PAMR1: variants seen among roughly 807,000 people sequenced by gnomAD.
PAMR1 encodes inactive serine protease PAMR1.
In PAMR1, 88 loss-of-function variants were observed where a neutral mutation model predicts 81.8. The observed-to-expected ratio is 1.08, with a 90% CI of 0.91 to 1.28. The LOEUF (loss-of-function observed/expected upper bound fraction) is 1.28, where lower values mean the gene tolerates loss of function less well. PAMR1 is among the 50% of genes most tolerant of loss of function. The pLI is 0.00. For synonymous variants in PAMR1, 336 were observed against 345.3 expected (o/e 0.97, Z 0.30); for missense variants, 935 against 919.7 (o/e 1.02, Z -0.21).
At chr11:35,513,045 T>C in intron 1 of PAMR1, among the ~76,000 whole-genome samples, 1 of 152,094 alleles carries the variant, frequency 6.6e-6, no homozygotes. Flanking sequence ...AAGCACTTAG[T>C]GTTATCATGT....
intron 9 of PAMR1, among the ~76,000 whole-genome samples, chr11:35,435,560 A>C (rs1156309244): frequency 1.3e-5 from 2 of 152,154 alleles, no homozygotes; most frequent in Non-Finnish European, 2.9e-5. Flanking sequence ...CTGGGTGATG[A>C]GTGTAAAAAT....
At chr11:35,470,848 C>A (rs781740083) in intron 4 of PAMR1, 30 bp from the exon 5 acceptor site, 26 of 1,523,010 alleles carry the variant, frequency 1.7e-5, no homozygotes, top group Non-Finnish European at 2.3e-5. Context: ...CGGAGGGAAG[C>A]AGATGGGCCC....
At chr11:35,480,856 C>A (rs1190754972) in intron 3 of PAMR1, among the ~76,000 whole-genome samples, 3 of 152,188 alleles carry the variant, frequency 2.0e-5, no homozygotes, top group African/African-American at 7.2e-5. Flanking sequence ...CCTCCCCTCA[C>A]TCCCCAGGCC....
chr11:35,484,957 A>G (rs1297677052), intron 3 of PAMR1, among the ~76,000 whole-genome samples: 1 of 152,246 alleles, frequency 6.6e-6, no homozygotes, highest in African/African-American at 2.4e-5. Context: ...TTTGAGTTTA[A>G]GAAACCCTAA....
chr11:35,476,403 T>C (rs967130469), intron 3 of PAMR1, among the ~76,000 whole-genome samples: 2 of 152,202 alleles, frequency 1.3e-5, no homozygotes, highest in Non-Finnish European at 2.9e-5. Flanking sequence ...CATGCTGTTC[T>C]TGTGATAGTG....
chr11:35,462,538 C>T (rs1158994101), intron 6 of PAMR1, among the ~76,000 whole-genome samples: 2 of 152,160 alleles, frequency 1.3e-5, no homozygotes, highest in African/African-American at 4.8e-5. Context: ...AAAGTTATGT[C>T]ATAATTGTCC....
At chr11:35,468,210 T>C in intron 5 of PAMR1, 102 bp from the exon 6 acceptor site, 1 of 654,996 alleles carries the variant, frequency 1.5e-6, no homozygotes, top group Admixed American at 2.8e-5. Context: ...TAAAGTCTTC[T>C]TGCAATGTTT....
intron 3 of PAMR1, among the ~76,000 whole-genome samples, chr11:35,488,765 G>C (rs1590367988): frequency 6.9e-6 from 1 of 145,140 alleles, no homozygotes; most frequent in Non-Finnish European, 1.5e-5. Context: ...TAGAGACAGG[G>C]TTTCACCATG....
intron 6 of PAMR1, among the ~76,000 whole-genome samples, chr11:35,460,332 CT>C (rs1431093366): frequency 6.8e-6 from 1 of 147,940 alleles, no homozygotes; most frequent in East Asian, 2.0e-4. Context: ...TTTTTATATA[CT>C]TTTTTTCTAT....
Position 35,492,034 on chromosome 11 carries a change from G to A in PAMR1, c.379+11C>T. ...TGCACTAGAGATGGAGCTAGGTCAA[G>A]GTCTACTTACGCATGCAGTCTCCTC... On this transcript the variant is annotated intron_variant, in intron 3 of 10. Coordinates refer to ENST00000619888, the MANE Select transcript of PAMR1 (RefSeq NM_001001991.3). 1.2e-6 allele frequency: 2 copies of A among 1,607,608 alleles called. No homozygotes were observed. Among genetic ancestry groups the A allele is most frequent in the South Asian group, 2.2e-5 (2 of 89,954 alleles).
At chr11:35,501,854 T>C (rs1005817090) in intron 1 of PAMR1, among the ~76,000 whole-genome samples, 1 of 152,254 alleles carries the variant, frequency 6.6e-6, no homozygotes, top group Non-Finnish European at 1.5e-5. Context: ...CTTAGGTTGA[T>C]TCCATATCTT....
intron 6 of PAMR1, among the ~76,000 whole-genome samples, chr11:35,466,565 A>C (rs1368099912): frequency 1.3e-5 from 2 of 151,952 alleles, no homozygotes; most frequent in African/African-American, 4.8e-5. Flanking sequence ...GTCTCTGTTA[A>C]AAATACAAAA....
rs1335397052 is a variant in PAMR1, at chr11:35,499,159, C to T, written c.74-4887G>A. 2.6e-5 allele frequency among the ~76,000 whole-genome samples: 4 copies of T among 152,156 alleles called. 1 individual carries two copies. The highest frequency in any genetic ancestry group is 3.9e-4 in the East Asian group (2 of 5,186). ...TCCATCCAGTGGGTTCAGCTTGGAG[C>T]CATGAGCCAGGAGAGCCAGCTTTGC... is the stretch of plus-strand genomic sequence containing the variant. On this transcript the variant is annotated intron_variant, in intron 1 of 10. Transcript: ENST00000619888.
chr11:35,478,352 G>A (rs1850319748), intron 3 of PAMR1, among the ~76,000 whole-genome samples: 2 of 152,144 alleles, frequency 1.3e-5, no homozygotes, highest in African/African-American at 4.8e-5. Flanking sequence ...GTAGCCTCAG[G>A]GGCTGTCCTT....
At chr11:35,488,256 T>C (rs635313) in intron 3 of PAMR1, among the ~76,000 whole-genome samples, 124,815 of 145,556 alleles carry the variant, frequency 0.86, 53,904 homozygotes, top group African/African-American at 0.95. Flanking sequence ...TGCTCTGTTG[T>C]TTAGGCTGGA....
chr11:35,441,240 T>A (rs1856157403), intron 7 of PAMR1, among the ~76,000 whole-genome samples: 1 of 152,142 alleles, frequency 6.6e-6, no homozygotes, highest in South Asian at 2.1e-4. Context: ...CTCTGATAAC[T>A]ACATTCCTCT....
chr11:35,432,613 C>A lies in PAMR1; in HGVS notation c.1906G>T (p.Asp636Tyr), dbSNP rs753344815. The change falls in exon 11 of 11, where the codon GAC (aspartate) becomes TAC (tyrosine). Residue 636 changes from aspartate (D) to tyrosine (Y), a missense_variant. Asp to Tyr is a radical substitution (Grantham distance 160). Coordinates refer to ENST00000619888, the MANE Select transcript of PAMR1 (RefSeq NM_001001991.3). ...GTGACACTCACTGGGATGCCATGGT[C>A]CTCATGCTGCTCCTCACACAGCAGC... ...DSLLCEEQHE[D>Y]HGIPVSVTDN... The A allele has an allele frequency of 6.2e-7, 1 of 1,614,114 alleles. No individual in the cohort carries two copies. The highest frequency in any genetic ancestry group is 8.5e-7 in the Non-Finnish European group (1 of 1,179,980).
chr11:35,494,215 T>C lies in PAMR1; in HGVS notation c.131A>G (p.Glu44Gly). The change falls in exon 2 of 11, where the codon GAG (glutamate) becomes GGG (glycine). Residue 44 changes from glutamate to glycine, a missense_variant. Physicochemically the swap from Glu to Gly is moderately conservative, Grantham distance 98 (BLOSUM62 -2). Coordinates refer to ENST00000619888, the MANE Select transcript of PAMR1 (RefSeq NM_001001991.3). ...PGAEWNIMCR[E>G]CCEYDQIECV... ...CTCAATCTGATCATATTCACAGCACTCCCGACACATGATATTCCACTCTGC... is the reference window on the plus strand; with the variant it reads ...CTCAATCTGATCATATTCACAGCACCCCCGACACATGATATTCCACTCTGC... 6.2e-7 allele frequency: 1 copy of C among 1,614,114 alleles called. No individual in the cohort carries two copies. The highest frequency in any genetic ancestry group is 1.1e-5 in the South Asian group (1 of 91,084).
chr11:35,479,912 A>C (rs1317940651), intron 3 of PAMR1, among the ~76,000 whole-genome samples: 1 of 152,228 alleles, frequency 6.6e-6, no homozygotes, highest in Non-Finnish European at 1.5e-5. Flanking sequence ...ACTCCGAATG[A>C]TGCCTGGTTC....
Sources: allele counts gnomAD v4.1 joint callset (sites outside exome capture counted in the v4.1 genomes callset), GRCh38; gene constraint gnomAD v4.1.1; transcripts MANE v1.5; gene names NCBI Gene and HGNC (gene_info 2026-07-23, HGNC 2026-07-21).